NAA60: variants seen among roughly 807,000 people sequenced by gnomAD.
NAA60 encodes the protein N-alpha-acetyltransferase 60, NatF catalytic subunit.
NAA60 carries 8 observed loss-of-function variants against 26.1 expected under a neutral mutation model. The observed-to-expected ratio is 0.31, with a 90% CI of 0.18 to 0.55. The LOEUF (loss-of-function observed/expected upper bound fraction) is 0.55. Ranked by LOEUF, NAA60 falls within the 20% of genes least tolerant of loss-of-function variation. The probability of loss-of-function intolerance (pLI) is 0.93; values close to 1 mark genes in which losing one functional copy is unlikely to be tolerated. For missense variants in NAA60, 290 were observed against 311.3 expected (o/e 0.93, Z 0.51); for synonymous variants, 131 against 122.5 (o/e 1.07, Z -0.46).
chr16:3,456,384 C>A (rs575807081), intron 2 of NAA60, among the ~76,000 whole-genome samples: 4 of 152,122 alleles, frequency 2.6e-5, no homozygotes, highest in Non-Finnish European at 5.9e-5. Flanking sequence ...GGGCTCCCCA[C>A]GGCATCCATC....
chr16:3,443,630 C>A, upstream of NAA60: 1 of 995,256 alleles, frequency 1.0e-6, no homozygotes, highest in Non-Finnish European at 1.4e-6. Flanking sequence ...CCTGTAGCCA[C>A]TGGGCAGCTG....
intron 2 of NAA60, among the ~76,000 whole-genome samples, chr16:3,454,913 T>C (rs2034916807): frequency 6.6e-6 from 1 of 152,212 alleles, no homozygotes; most frequent in South Asian, 2.1e-4. Context: ...ACAAATAACC[T>C]TGAATATCTC....
chr16:3,467,421 C>T (rs1334967224), intron 2 of NAA60, among the ~76,000 whole-genome samples: 1 of 152,066 alleles, frequency 6.6e-6, no homozygotes, highest in Non-Finnish European at 1.5e-5. Context: ...GCCAGGACAC[C>T]TCTCAAGCCA....
At chr16:3,460,741 G>C (rs770429742) in intron 2 of NAA60, among the ~76,000 whole-genome samples, 2 of 152,194 alleles carry the variant, frequency 1.3e-5, no homozygotes, top group Non-Finnish European at 2.9e-5. Context: ...ATCGAAGCTG[G>C]TTCTGCTTAT....
At chr16:3,456,863 C>T (rs2035021361) in intron 2 of NAA60, 2 of 152,084 alleles carry the variant, frequency 1.3e-5, no homozygotes, top group Non-Finnish European at 2.9e-5. Context: ...AATCTCGGCT[C>T]ACTGCAGCCT....
In NAA60 at chr16:3,485,530, C is replaced by T. The variant is rs570255509; in HGVS notation, c.*270C>T. The T allele has an allele frequency of 5.3e-4, 239 of 455,162 alleles. 1 individual carries two copies. Among genetic ancestry groups the T allele is most frequent in the Middle Eastern group, 2.9e-3 (9 of 3,074 alleles). 28.2% of individuals were successfully genotyped at this position (455,162 alleles called of 1,614,324 possible). On this transcript the variant is annotated 3_prime_UTR_variant, in exon 8 of 8. Transcript: ENST00000407558. Reference sequence around the variant, plus strand: ...CTGCTGCCCTGGCCCTGCCCCCCTGCGCATGCACCGTCCCCAGGGCTGACC... The same window carrying T: ...CTGCTGCCCTGGCCCTGCCCCCCTGTGCATGCACCGTCCCCAGGGCTGACC...
intron 2 of NAA60, chr16:3,449,113 C>G (rs1035421357): frequency 7.9e-5 from 12 of 152,272 alleles, no homozygotes; most frequent in African/African-American, 2.9e-4. Context: ...GTGGCTCACG[C>G]CTGTAATCCC....
intron 4 of NAA60, among the ~76,000 whole-genome samples, chr16:3,480,411 A>T (rs929209722): frequency 2.0e-5 from 3 of 152,122 alleles, no homozygotes; most frequent in Non-Finnish European, 4.4e-5. Context: ...AGCCTGGCCA[A>T]CATGGTGAAA....
chr16:3,481,408 C>T (rs956846661), intron 4 of NAA60, among the ~76,000 whole-genome samples: 3 of 152,114 alleles, frequency 2.0e-5, no homozygotes, highest in Non-Finnish European at 2.9e-5. Flanking sequence ...TAATGGGACA[C>T]GTGGTCCCCC....
chr16:3,452,274 T>A (rs1017003776), intron 2 of NAA60, among the ~76,000 whole-genome samples: 8 of 152,210 alleles, frequency 5.3e-5, no homozygotes, highest in African/African-American at 1.9e-4. Flanking sequence ...TGCCCTGCTG[T>A]AGTGGGTGTA....
intron 6 of NAA60, 66 bp from the exon 7 acceptor site, chr16:3,484,633 C>G: frequency 6.5e-7 from 1 of 1,541,846 alleles, no homozygotes; most frequent in Non-Finnish European, 8.8e-7. Flanking sequence ...CTGCGCGGGC[C>G]CCTGATGACT....
At chr16:3,460,449 C>T (rs2035313104) in intron 2 of NAA60, among the ~76,000 whole-genome samples, 1 of 152,202 alleles carries the variant, frequency 6.6e-6, no homozygotes, top group Non-Finnish European at 1.5e-5. Flanking sequence ...CCGCAACCTC[C>T]ACCTCCCAAA....
intron 2 of NAA60, among the ~76,000 whole-genome samples, chr16:3,450,648 C>T (rs977578176): frequency 3.6e-5 from 5 of 140,628 alleles, no homozygotes; most frequent in African/African-American, 8.0e-5. Flanking sequence ...TGCAGTGAGC[C>T]GAGATCGTGC....
intron 4 of NAA60, among the ~76,000 whole-genome samples, chr16:3,482,232 C>G (rs1190788377): frequency 1.3e-5 from 2 of 152,220 alleles, no homozygotes; most frequent in Non-Finnish European, 2.9e-5. Flanking sequence ...AGCCTCATTC[C>G]CGTCCTTGGC....
At chr16:3,457,795 G>C (rs2035073765) in intron 2 of NAA60, among the ~76,000 whole-genome samples, 1 of 152,210 alleles carries the variant, frequency 6.6e-6, no homozygotes, top group African/African-American at 2.4e-5. Context: ...GGGGAGCCCA[G>C]AGGTCTGGCC....
chr16:3,478,041 A>T (rs1415318692), intron 3 of NAA60, among the ~76,000 whole-genome samples: 1 of 142,146 alleles, frequency 7.0e-6, no homozygotes, highest in East Asian at 2.1e-4. Flanking sequence ...CCCCAACCTG[A>T]GCGACAGTGA....
intron 4 of NAA60, among the ~76,000 whole-genome samples, chr16:3,480,544 C>T (rs866655212): frequency 6.6e-6 from 1 of 151,282 alleles, no homozygotes; most frequent in Non-Finnish European, 1.5e-5. Context: ...TTGCAGTGAG[C>T]CGAGATCGTG....
chr16:3,479,328 C>A, intron 3 of NAA60, 143 bp from the exon 4 acceptor site: 1 of 749,108 alleles, frequency 1.3e-6, no homozygotes, highest in Non-Finnish European at 2.2e-6. Flanking sequence ...TAGGTAGAGA[C>A]TTAAGTGATG....
intron 2 of NAA60, among the ~76,000 whole-genome samples, chr16:3,449,545 C>T (rs1244927677): frequency 2.0e-5 from 3 of 151,978 alleles, no homozygotes; most frequent in Non-Finnish European, 2.9e-5. Flanking sequence ...TTTAGCCAGG[C>T]ATGGTGGCGC....
Sources: allele counts gnomAD v4.1 joint callset (sites outside exome capture counted in the v4.1 genomes callset), GRCh38; gene constraint gnomAD v4.1.1; transcripts MANE v1.5; gene names NCBI Gene and HGNC (gene_info 2026-07-23, HGNC 2026-07-21).